Variants in TP63 observed in about 807,000 individuals in gnomAD.
TP63 encodes the protein tumor protein 63.
A neutral mutation model predicts 82.8 loss-of-function variants in TP63; 17 were observed. The observed-to-expected ratio is 0.21, with a 90% confidence interval of 0.14 to 0.31. The LOEUF is 0.31. TP63 is among the 10% of genes least tolerant of loss of function. The pLI is 1.00. For missense variants in TP63, 648 were observed against 895.3 expected (o/e 0.72, Z 3.52); for synonymous variants, 330 against 321.7 (o/e 1.03, Z -0.28).
chr3:189,820,508 C>T (rs1256829683), intron 4 of TP63, among the ~76,000 whole-genome samples: 1 of 151,996 alleles, frequency 6.6e-6, no homozygotes, highest in Non-Finnish European at 1.5e-5. Flanking sequence ...ACTCCCCCAA[C>T]CTAAGTGTAA....
chr3:189,645,667 C>G (rs1392335594), intron 1 of TP63, among the ~76,000 whole-genome samples: 1 of 121,094 alleles, frequency 8.3e-6, no homozygotes, highest in Admixed American at 7.5e-5. Flanking sequence ...TCCCCCACCC[C>G]ACGACAGGCT....
At chr3:189,661,044 T>C (rs1185597440) in intron 1 of TP63, among the ~76,000 whole-genome samples, 3 of 152,056 alleles carry the variant, frequency 2.0e-5, no homozygotes, top group Non-Finnish European at 4.4e-5. Context: ...CTTCTTCCTT[T>C]TCTATTTGGG....
Position 189,828,392 on chromosome 3 carries a change from AC to A in TP63, c.579+19868del, listed in dbSNP as rs368337894. Among the ~76,000 whole-genome samples, 11 of 152,268 alleles carry A rather than the reference AC, an allele frequency of 7.2e-5. No homozygotes were observed. In the East Asian group the frequency reaches 1.9e-3, roughly 27 times the overall value. ...CGTAATTGGGATTATTTTGACTCCT[AC>A]CATTGTAACATTTTCTAGACATTGG... On this transcript the variant is annotated intron_variant, in intron 4 of 13. Coordinates refer to ENST00000264731, the MANE Select transcript of TP63 (RefSeq NM_003722.5).
chr3:189,896,348 C>T lies in TP63; in HGVS notation c.*1846C>T, dbSNP rs886058234. The T allele has an allele frequency of 3.4e-5, 7 of 203,686 alleles. No individual in the cohort carries two copies. Among genetic ancestry groups the T allele is most frequent in the Non-Finnish European group, 6.0e-5 (6 of 99,824 alleles). 12.6% of individuals were successfully genotyped at this position (203,686 alleles called of 1,614,324 possible). On this transcript the variant is annotated 3_prime_UTR_variant, in exon 14 of 14. Coordinates refer to ENST00000264731, the MANE Select transcript of TP63 (RefSeq NM_003722.5). The stretch of plus-strand genomic sequence containing the variant: ...AACCACACTTGAAACCTTTTTTTAT[C>T]GTTTTTGTATTTTCATGAAAATACC...
At chr3:189,858,526 G>A (rs1716603120) in intron 4 of TP63, among the ~76,000 whole-genome samples, 1 of 152,114 alleles carries the variant, frequency 6.6e-6, no homozygotes, top group South Asian at 2.1e-4. Flanking sequence ...TGTAATCCCA[G>A]TACTTTGGGA....
intron 1 of TP63, among the ~76,000 whole-genome samples, chr3:189,681,682 C>T (rs1170740197): frequency 2.0e-5 from 3 of 152,076 alleles, no homozygotes; most frequent in Non-Finnish European, 2.9e-5. Flanking sequence ...TCTCTTCTTC[C>T]TCCTCCTCCT....
chr3:189,683,153 T>A (rs1716122826), intron 1 of TP63, among the ~76,000 whole-genome samples: 1 of 152,144 alleles, frequency 6.6e-6, no homozygotes, highest in Admixed American at 6.5e-5. Context: ...CTCAAACTCT[T>A]AATAATTATA....
intron 3 of TP63, among the ~76,000 whole-genome samples, chr3:189,765,432 G>GTTTTTTTTTTTT (rs1560167431): frequency 3.2e-4 from 2 of 6,186 alleles, no homozygotes; most frequent in Admixed American, 1.8e-3. Context: ...CCTGTCCTCT[G>GTTTTTTTTTTTT]CTTTTTTTTT....
At chr3:189,617,350 G>C in the TP63 span, among the ~76,000 whole-genome samples, 2 of 152,144 alleles carry the variant, frequency 1.3e-5, no homozygotes, top group Admixed American at 1.3e-4. Context: ...GGGTATTTTT[G>C]TATATCCCAC....
At chr3:189,797,503 C>G (rs1365390595) in intron 3 of TP63, among the ~76,000 whole-genome samples, 1 of 151,954 alleles carries the variant, frequency 6.6e-6, no homozygotes, top group African/African-American at 2.4e-5. Context: ...GGGAATATGC[C>G]CTGTTTACTC....
intron 1 of TP63, among the ~76,000 whole-genome samples, chr3:189,710,831 T>A (rs1718541210): frequency 6.6e-6 from 1 of 152,172 alleles, no homozygotes; most frequent in Non-Finnish European, 1.5e-5. Flanking sequence ...CTTACACAGC[T>A]GTGTGCTTCA....
In TP63 at chr3:189,631,486, G is replaced by A. The variant is rs781689125; in HGVS notation, c.-30G>A. On this transcript the variant is annotated 5_prime_UTR_variant, in exon 1 of 14. Coordinates refer to ENST00000264731, the MANE Select transcript of TP63 (RefSeq NM_003722.5). ...TGTATATTTTATATAATTGTTCTCC[G>A]TTCGTTGATATCAAAGACAGTTGAA... 51 of 1,611,748 alleles carry A rather than the reference G, an allele frequency of 3.2e-5. No individual in the cohort carries two copies. Among genetic ancestry groups the A allele is most frequent in the South Asian group, 5.5e-5 (5 of 91,028 alleles).
intron 4 of TP63, among the ~76,000 whole-genome samples, chr3:189,832,688 A>G (rs1294986381): frequency 6.6e-6 from 1 of 152,218 alleles, no homozygotes; most frequent in Non-Finnish European, 1.5e-5. Flanking sequence ...GGTAGTTAAT[A>G]TATGTTGAGT....
At chr3:189,650,511 T>A (rs1263516108) in intron 1 of TP63, among the ~76,000 whole-genome samples, 1 of 146,018 alleles carries the variant, frequency 6.8e-6, no homozygotes, top group South Asian at 2.3e-4. Flanking sequence ...CTCATGATAG[T>A]GAGTTCTTAT....
At chr3:189,784,206 C>A (rs10937411) in intron 3 of TP63, among the ~76,000 whole-genome samples, 84,298 of 151,718 alleles carry the variant, frequency 0.56, 23,691 homozygotes, top group Admixed American at 0.66. Flanking sequence ...ATCTCTGTAC[C>A]TTTGTATATC....
At chr3:189,884,387 C>G (rs1044150402) in intron 10 of TP63, among the ~76,000 whole-genome samples, 5 of 152,162 alleles carry the variant, frequency 3.3e-5, no homozygotes, top group African/African-American at 9.7e-5. Context: ...ATTTCTTGTC[C>G]CCATAACCTA....
chr3:189,885,860 G>A (rs1347946204), intron 10 of TP63, among the ~76,000 whole-genome samples: 5 of 152,114 alleles, frequency 3.3e-5, no homozygotes, highest in East Asian at 1.9e-4. Flanking sequence ...TCCAAGTAGG[G>A]GCCTCTGCAT....
At chr3:189,715,507 A>G (rs1156462678) in intron 1 of TP63, among the ~76,000 whole-genome samples, 1 of 152,180 alleles carries the variant, frequency 6.6e-6, no homozygotes, top group African/African-American at 2.4e-5. Flanking sequence ...ATTAAGACCT[A>G]TTAGGTATAT....
chr3:189,828,052 C>G (rs1377186770), intron 4 of TP63, among the ~76,000 whole-genome samples: 1 of 152,050 alleles, frequency 6.6e-6, no homozygotes, highest in Non-Finnish European at 1.5e-5. Flanking sequence ...ACCAGCCTGG[C>G]TGATATGATG....
Sources: allele counts gnomAD v4.1 joint callset (sites outside exome capture counted in the v4.1 genomes callset), GRCh38; gene constraint gnomAD v4.1.1; transcripts MANE v1.5; gene names NCBI Gene and HGNC (gene_info 2026-07-23, HGNC 2026-07-21).